Variants in BCL11B observed in about 807,000 individuals in gnomAD.
The protein encoded by BCL11B is BCL11 transcription factor B, also known as B-cell lymphoma/leukemia 11B.
Under a neutral mutation model 49.9 loss-of-function variants are expected in BCL11B, and 8 were observed. The observed-to-expected ratio is 0.16, with a 90% CI of 0.09 to 0.29. BCL11B has a LOEUF of 0.29. BCL11B is among the 10% of genes least tolerant of loss of function. The pLI, the probability that BCL11B is intolerant of heterozygous loss-of-function variation, is 1.00. For synonymous variants in BCL11B, 739 were observed against 637.4 expected (o/e 1.16, Z -2.40); for missense variants, 1,006 against 1,351.0 (o/e 0.74, Z 4.00).
chr14:99,256,611 G>A lies in BCL11B; in HGVS notation c.427+860C>T, dbSNP rs116143789. 4.6e-3 allele frequency among the ~76,000 whole-genome samples: 704 copies of A among 152,316 alleles called. 2 individuals carry two copies. The highest frequency in any genetic ancestry group is 0.017 in the Middle Eastern group (5 of 294). ...AGAAACAAACACTCTGGTTTGCACA[G>A]AGAGCAGCGGCTCCCTGGAAGAGGC... On this transcript the variant is annotated intron_variant, in intron 2 of 3. Transcript: ENST00000357195.
chr14:99,201,430 CA>C (rs1887380235), intron 3 of BCL11B, among the ~76,000 whole-genome samples: 2 of 152,208 alleles, frequency 1.3e-5, no homozygotes, highest in Admixed American at 1.3e-4. Context: ...CACCATCCCA[CA>C]GGGGGCTTCC....
chr14:99,218,118 T>TGCA (rs1887906017), intron 3 of BCL11B, among the ~76,000 whole-genome samples: 1 of 145,246 alleles, frequency 6.9e-6, no homozygotes, highest in African/African-American at 2.6e-5. Flanking sequence ...CAGGCTAGAG[T>TGCA]GCAGTGGCGC....
rs2139746826 is a variant in BCL11B, at chr14:99,172,265, T to TA, written c.*1885dup. The TA allele has an allele frequency of 8.8e-6, 2 of 226,234 alleles. No individual in the cohort carries two copies. The highest frequency in any genetic ancestry group is 1.3e-4 in the East Asian group (2 of 15,702). The allele number at this position is 226,234 out of a possible 1,614,324, so 14.0% of individuals were successfully genotyped here. On this transcript the variant is annotated 3_prime_UTR_variant, in exon 4 of 4. Coordinates refer to ENST00000357195, the MANE Select transcript of BCL11B (RefSeq NM_138576.4). ...TCAGCAGTAAATCACCTCCACTCCA[T>TA]ATCTAAGCAGCGTTGTCCCAAAAAC...
intron 1 of BCL11B, among the ~76,000 whole-genome samples, 182 bp downstream of exon 1, chr14:99,270,979 G>A (rs1415679318): frequency 1.3e-5 from 2 of 151,532 alleles, no homozygotes; most frequent in East Asian, 3.9e-4. Flanking sequence ...TCCCCGGGCT[G>A]CAAAGAAACT....
Position 99,175,565 on chromosome 14 carries a change from G to T in BCL11B, c.1271C>A (p.Ala424Asp), listed in dbSNP as rs758437652. 6 of 1,592,966 alleles carry T rather than the reference G, an allele frequency of 3.8e-6. No homozygotes were observed. The highest frequency in any genetic ancestry group is 1.7e-5 in the Admixed American group (1 of 58,232). ...GCAGAACTCGCACGACTTGCTCTTGGCTGGCGGCTGCGGGGGCGGCGTGCC... is the reference window on the plus strand; with the variant it reads ...GCAGAACTCGCACGACTTGCTCTTGTCTGGCGGCTGCGGGGGCGGCGTGCC... Reference protein sequence around the residue: ...PGGTPPPQPPAKSKSCEFCGK... With the variant: ...PGGTPPPQPPDKSKSCEFCGK... The change falls in exon 4 of 4, where the codon GCC becomes GAC. Residue 424 changes from alanine (A) to aspartate (D), a missense_variant. Ala to Asp is a moderately radical substitution (Grantham distance 126). Transcript: ENST00000357195.
chr14:99,269,143 T>G (rs2693673), intron 1 of BCL11B, among the ~76,000 whole-genome samples: 1 of 122,916 alleles, frequency 8.1e-6, no homozygotes, highest in South Asian at 2.9e-4. Context: ...CCCCATCCAC[T>G]CCCCCTTCCC....
Position 99,174,520 on chromosome 14 carries a change from G to A in BCL11B, c.2316C>T (p.Ser772=), listed in dbSNP as rs774985948. ...GGLSGRSGTA[S]GGSTPHLGGP... is the part of the protein sequence containing the mutation. ...CGCCCAGGTGCGGGGTGCTGCCTCCGCTGGCCGTGCCGCTGCGGCCCGAGA... is the reference window on the plus strand; with the variant it reads ...CGCCCAGGTGCGGGGTGCTGCCTCCACTGGCCGTGCCGCTGCGGCCCGAGA... Residue 772 remains serine, a synonymous_variant, in exon 4 of 4, where the codon AGC becomes AGT. Transcript: ENST00000357195. 2.0e-5 allele frequency: 31 copies of A among 1,527,556 alleles called. No homozygotes were observed. Among genetic ancestry groups the A allele is most frequent in the Non-Finnish European group, 2.7e-5 (31 of 1,139,056 alleles). The allele number at this position is 1,527,556 out of a possible 1,614,324, so 94.6% of individuals were successfully genotyped here.
chr14:99,206,620 G>A (rs987723690), intron 3 of BCL11B, among the ~76,000 whole-genome samples: 4 of 152,192 alleles, frequency 2.6e-5, no homozygotes. Flanking sequence ...CGCAGTGCTT[G>A]TGTCGAAGCC....
At chr14:99,216,206 G>A (rs1230076549) in intron 3 of BCL11B, among the ~76,000 whole-genome samples, 5 of 152,198 alleles carry the variant, frequency 3.3e-5, no homozygotes, top group Non-Finnish European at 4.4e-5. Context: ...TTCCTCATCC[G>A]TAAAATGGGG....
intron 1 of BCL11B, among the ~76,000 whole-genome samples, chr14:99,263,508 G>A (rs1316836111): frequency 6.6e-6 from 1 of 152,232 alleles, no homozygotes; most frequent in Non-Finnish European, 1.5e-5. Flanking sequence ...AGAGGTTTTA[G>A]ATGCAGGAAG....
chr14:99,175,668 G>A lies in BCL11B; in HGVS notation c.1168C>T (p.Arg390Trp). 1 of 1,548,784 alleles carries A rather than the reference G, an allele frequency of 6.5e-7. No homozygotes were observed. Among genetic ancestry groups the A allele is most frequent in the Non-Finnish European group, 8.6e-7 (1 of 1,159,718 alleles). ...CTGGGCTGGAAGGGGTTCAGGAGCC[G>A]GTGCATAGGGTTGCCGCGGCCCGGG... Reference protein sequence around the residue: ...VSPGRGNPMHRLLNPFQPSPK... With the variant: ...VSPGRGNPMHWLLNPFQPSPK... Residue 390 changes from arginine (R) to tryptophan (W), a missense_variant, in exon 4 of 4, where the codon CGG becomes TGG. Transcript: ENST00000357195.
At chr14:99,201,565 G>A (rs1022176976) in intron 3 of BCL11B, among the ~76,000 whole-genome samples, 2 of 152,176 alleles carry the variant, frequency 1.3e-5, no homozygotes, top group African/African-American at 4.8e-5. Flanking sequence ...CCTGCCCCCA[G>A]TCCCTGTCCT....
Position 99,242,499 on chromosome 14 carries a change from C to T in BCL11B, c.428-10942G>A, listed in dbSNP as rs986167292. 6.6e-6 allele frequency among the ~76,000 whole-genome samples: 1 copy of T among 152,184 alleles called. No homozygotes were observed. Among genetic ancestry groups the T allele is most frequent in the Non-Finnish European group, 1.5e-5 (1 of 68,048 alleles). ...GCTCCTGGCTCCAAGCCTGCACCAT[C>T]GCAGACTCCAGGTATCTGCCGTTCC... On this transcript the variant is annotated intron_variant, in intron 2 of 3. Transcript: ENST00000357195. This position sits in a 1 kb window ranked among gnomAD's most constrained non-coding sequence, Gnocchi z 4.4.
intron 3 of BCL11B, among the ~76,000 whole-genome samples, chr14:99,198,263 T>C (rs1258400765): frequency 2.0e-5 from 3 of 152,258 alleles, no homozygotes; most frequent in East Asian, 1.9e-4. Context: ...GAAGGAAATA[T>C]AATCCATCAA....
At chr14:99,255,209 G>C (rs1448049461) in intron 2 of BCL11B, among the ~76,000 whole-genome samples, 2 of 152,140 alleles carry the variant, frequency 1.3e-5, no homozygotes, top group Non-Finnish European at 2.9e-5. Flanking sequence ...CATGTAGACT[G>C]TTTTGTGCCT....
intron 2 of BCL11B, among the ~76,000 whole-genome samples, chr14:99,256,205 A>G (rs1306482588): frequency 6.6e-6 from 1 of 152,192 alleles, no homozygotes; most frequent in Non-Finnish European, 1.5e-5. Flanking sequence ...GTCCCTCCAG[A>G]GCCCATGCTA....
chr14:99,271,447 G>C lies in BCL11B; in HGVS notation c.-229C>G, dbSNP rs1305538741. On this transcript the variant is annotated 5_prime_UTR_variant, in exon 1 of 4. Coordinates refer to ENST00000357195, the MANE Select transcript of BCL11B (RefSeq NM_138576.4). ...TTTCTTCTATGCTGTTTTTTGTTTTGTTTGCAAAAAGAAAAAAAAGGGAAG... is the reference window on the plus strand; with the variant it reads ...TTTCTTCTATGCTGTTTTTTGTTTTCTTTGCAAAAAGAAAAAAAAGGGAAG... 1 of 217,114 alleles carries C rather than the reference G, an allele frequency of 4.6e-6. No individual in the cohort carries two copies. The highest frequency in any genetic ancestry group is 8.9e-6 in the Non-Finnish European group (1 of 112,492). 13.4% of individuals were successfully genotyped at this position (217,114 alleles called of 1,614,324 possible). A position where few individuals can be genotyped will look rare whatever the true frequency, so the allele number is the denominator to read the frequency against.
At chr14:99,234,497 G>C (rs1888432022) in intron 2 of BCL11B, among the ~76,000 whole-genome samples, 1 of 152,164 alleles carries the variant, frequency 6.6e-6, no homozygotes, top group Non-Finnish European at 1.5e-5. Flanking sequence ...GAAGCCACCA[G>C]AGCTCCCAGG....
rs777226398 is a variant in BCL11B, at chr14:99,174,817, G to A, written c.2019C>T (p.Pro673=). The A allele has an allele frequency of 2.4e-5, 33 of 1,383,874 alleles. No individual in the cohort carries two copies. The highest frequency in any genetic ancestry group is 3.0e-5 in the Admixed American group (1 of 32,882). The allele number at this position is 1,383,874 out of a possible 1,614,324, so 85.7% of individuals were successfully genotyped here. The part of the protein sequence containing the change: ...EPFPGLFPRK[P]APLPSPGLNS... ...TGAGCCCGGGGCTGGGCAGCGGCGC[G>A]GGCTTGCGCGGGAAGAGCCCGGGGA... The change falls in exon 4 of 4, where the codon CCC becomes CCT. Residue 673 remains proline (P), a synonymous_variant. Transcript: ENST00000357195.
Sources: allele counts gnomAD v4.1 joint callset (sites outside exome capture counted in the v4.1 genomes callset), GRCh38; gene constraint gnomAD v4.1.1; non-coding constraint Gnocchi (gnomAD v3.1); transcripts MANE v1.5; gene names NCBI Gene and HGNC (gene_info 2026-07-23, HGNC 2026-07-21).